The following DYNC1LI1 variants were observed in gnomAD, a reference collection of about 807,000 sequenced individuals.
DYNC1LI1 encodes dynein cytoplasmic 1 light intermediate chain 1, also known as cytoplasmic dynein 1 light intermediate chain 1.
DYNC1LI1 carries 19 observed loss-of-function variants against 63.8 expected under a neutral mutation model. The observed-to-expected ratio is 0.30, with a 90% CI of 0.21 to 0.44. The LOEUF is 0.44. Among genes scored for constraint, DYNC1LI1 ranks in the 20% least tolerant of loss-of-function variants. The pLI, the probability that DYNC1LI1 is intolerant of heterozygous loss-of-function variation, is 1.00. For missense variants in DYNC1LI1, 565 were observed against 630.2 expected (o/e 0.90, Z 1.11); for synonymous variants, 225 against 232.3 (o/e 0.97, Z 0.28).
At chr3:32,529,933 C>A (rs1697672888) in intron 10 of DYNC1LI1, among the ~76,000 whole-genome samples, 1 of 152,132 alleles carries the variant, frequency 6.6e-6, no homozygotes, top group Non-Finnish European at 1.5e-5. Flanking sequence ...GGGAGTCAGA[C>A]TTGGTTTCCA....
At chr3:32,543,605 A>C (rs1697912295) in intron 4 of DYNC1LI1, among the ~76,000 whole-genome samples, 1 of 148,236 alleles carries the variant, frequency 6.7e-6, no homozygotes, top group Non-Finnish European at 1.5e-5. Context: ...ACAGGGTTTC[A>C]CCATCTTGGC....
chr3:32,537,185 A>G (rs961920812), intron 5 of DYNC1LI1, 81 bp from the exon 6 acceptor site: 30 of 713,122 alleles, frequency 4.2e-5, no homozygotes, highest in Non-Finnish European at 6.3e-5. Context: ...TCAATTCTGG[A>G]TAGGGGAACA....
intron 5 of DYNC1LI1, among the ~76,000 whole-genome samples, chr3:32,537,974 T>TTATATATATATATATATATAATTTA (rs56907307): frequency 4.9e-5 from 1 of 20,538 alleles, no homozygotes; most frequent in Non-Finnish European, 8.4e-5. Context: ...ATATATATAT[T>TTATATATATATATATATATAATTTA]TATATATAAT....
intron 12 of DYNC1LI1, among the ~76,000 whole-genome samples, chr3:32,527,400 C>T (rs1428261497): frequency 1.3e-5 from 2 of 150,720 alleles, no homozygotes; most frequent in Non-Finnish European, 3.0e-5. Flanking sequence ...CATTTAATCT[C>T]ATAAAGGTTT....
chr3:32,541,525 G>A (rs898407425), intron 4 of DYNC1LI1, among the ~76,000 whole-genome samples: 2 of 152,090 alleles, frequency 1.3e-5, no homozygotes, highest in Non-Finnish European at 2.9e-5. Flanking sequence ...TTCACAAAGG[G>A]CACTGTATGG....
intron 2 of DYNC1LI1, chr3:32,566,778 C>T (rs994100856): frequency 2.4e-6 from 1 of 411,054 alleles, no homozygotes; most frequent in African/African-American, 2.1e-5. Context: ...CAAATATAAT[C>T]AATTGTATTA....
intron 5 of DYNC1LI1, among the ~76,000 whole-genome samples, chr3:32,538,123 A>G (rs1270842215): frequency 9.1e-6 from 1 of 110,486 alleles, no homozygotes; most frequent in African/African-American, 3.3e-5. Flanking sequence ...AAAAAAAAAA[A>G]CCTAACAGGG....
intron 4 of DYNC1LI1, among the ~76,000 whole-genome samples, chr3:32,543,692 C>A (rs1697913665): frequency 6.6e-6 from 1 of 151,216 alleles, no homozygotes; most frequent in African/African-American, 2.4e-5. Context: ...AGGCGTGAGC[C>A]ACCACGCCTG....
chr3:32,540,819 A>C (rs1386518803), intron 5 of DYNC1LI1, among the ~76,000 whole-genome samples: 2 of 152,232 alleles, frequency 1.3e-5, no homozygotes, highest in African/African-American at 2.4e-5. Context: ...ATGAAATTCA[A>C]TCACAAGTAT....
chr3:32,542,019 G>A (rs575718802), intron 4 of DYNC1LI1, among the ~76,000 whole-genome samples: 3 of 152,272 alleles, frequency 2.0e-5, no homozygotes, highest in South Asian at 4.1e-4. Flanking sequence ...AATATTTAAC[G>A]TTGTAGGAAA....
chr3:32,553,489 T>C (rs1322463242), intron 2 of DYNC1LI1, among the ~76,000 whole-genome samples: 2 of 152,202 alleles, frequency 1.3e-5, no homozygotes, highest in Non-Finnish European at 2.9e-5. Flanking sequence ...CTATATTGTA[T>C]ATTAATGAGT....
At chr3:32,558,000 A>G (rs1698138254) in intron 2 of DYNC1LI1, among the ~76,000 whole-genome samples, 1 of 152,184 alleles carries the variant, frequency 6.6e-6, no homozygotes, top group South Asian at 2.1e-4. Flanking sequence ...AATTTTCTTA[A>G]AGAGGGCATA....
chr3:32,527,134 G>A (rs539574989), intron 12 of DYNC1LI1, among the ~76,000 whole-genome samples: 79 of 152,078 alleles, frequency 5.2e-4, no homozygotes, highest in Non-Finnish European at 1.1e-3. Context: ...TTCAAGTCAG[G>A]AGTTCGAGAC....
intron 2 of DYNC1LI1, among the ~76,000 whole-genome samples, chr3:32,553,452 C>T (rs903581880): frequency 1.4e-4 from 21 of 152,302 alleles, no homozygotes; most frequent in Admixed American, 1.2e-3. Flanking sequence ...ATTTCGTCCC[C>T]TTACCTACTT....
At chr3:32,538,078 T>G (rs1322829484) in intron 5 of DYNC1LI1, among the ~76,000 whole-genome samples, 2 of 90,068 alleles carry the variant, frequency 2.2e-5, no homozygotes, top group Non-Finnish European at 4.2e-5. Flanking sequence ...TATATATATA[T>G]ATAAAATTTA....
At chr3:32,532,454 A>G (rs2125430151) in intron 8 of DYNC1LI1, 1 of 140,424 alleles carries the variant, frequency 7.1e-6, no homozygotes, top group African/African-American at 2.7e-5. Flanking sequence ...TAACACAGTG[A>G]GACTCCATCT....
At chr3:32,552,302 C>T (rs1698053720) in intron 2 of DYNC1LI1, among the ~76,000 whole-genome samples, 1 of 152,130 alleles carries the variant, frequency 6.6e-6, no homozygotes, top group South Asian at 2.1e-4. Context: ...ATTTTAAAGA[C>T]AGGTCTCACT....
intron 2 of DYNC1LI1, among the ~76,000 whole-genome samples, chr3:32,557,671 T>C (rs1273107204): frequency 6.6e-6 from 1 of 152,200 alleles, no homozygotes; most frequent in African/African-American, 2.4e-5. Context: ...ATAGTTCCAG[T>C]AAAATAAAAT....
intron 2 of DYNC1LI1, among the ~76,000 whole-genome samples, chr3:32,567,456 T>C (rs1698282465): frequency 6.6e-6 from 1 of 152,168 alleles, no homozygotes; most frequent in African/African-American, 2.4e-5. Flanking sequence ...CTTAGGGCTA[T>C]ATCATTGTTC....
Sources: allele counts gnomAD v4.1 joint callset (sites outside exome capture counted in the v4.1 genomes callset), GRCh38; gene constraint gnomAD v4.1.1; transcripts MANE v1.5; gene names NCBI Gene and HGNC (gene_info 2026-07-23, HGNC 2026-07-21).